Variants in TSHR observed in about 807,000 individuals in gnomAD.
The protein encoded by TSHR is thyrotropin receptor.
TSHR carries 51 observed loss-of-function variants against 64.1 expected under a neutral mutation model. The observed-to-expected ratio is 0.80, with a 90% CI of 0.64 to 1.01. TSHR has a LOEUF of 1.01. Among genes scored for constraint, TSHR ranks in the 50% least tolerant of loss-of-function variants. TSHR has a pLI of 0.00. For synonymous variants in TSHR, 361 were observed against 361.9 expected (o/e 1.00, Z 0.03); for missense variants, 877 against 942.8 (o/e 0.93, Z 0.91).
intron 8 of TSHR, among the ~76,000 whole-genome samples, chr14:81,113,662 A>G (rs28491084): frequency 0.069 from 10,492 of 152,236 alleles, 917 homozygotes; most frequent in East Asian, 0.23. Flanking sequence ...AAAGAGTAGG[A>G]AAGGTGATCA....
At position 80,982,684 on chromosome 14, in the gene TSHR, C is replaced by T. The variant is rs1202089882; in HGVS notation, c.170+26834C>T. On this transcript the variant is annotated intron_variant, in intron 1 of 9. Coordinates refer to ENST00000298171, the MANE Select transcript of TSHR (RefSeq NM_000369.5). ...CCCCTGCTGTAACTCCAGCAGTATT[C>T]GGATTAGATCCCAGGCATCTAAGGC... 28 of 1,009,938 alleles carry T rather than the reference C, an allele frequency of 2.8e-5. 1 individual carries two copies. The highest frequency in any genetic ancestry group is 3.4e-5 in the Non-Finnish European group (25 of 729,276). 62.6% of individuals were successfully genotyped at this position (1,009,938 alleles called of 1,614,324 possible).
chr14:81,114,400 G>T (rs891639431), intron 8 of TSHR, among the ~76,000 whole-genome samples: 3 of 152,234 alleles, frequency 2.0e-5, no homozygotes, highest in African/African-American at 7.2e-5. Context: ...CCCTTTCCTA[G>T]TCAAAGAAAG....
chr14:81,047,042 G>A (rs1359338427), intron 1 of TSHR, among the ~76,000 whole-genome samples: 3 of 152,036 alleles, frequency 2.0e-5, no homozygotes, highest in Admixed American at 1.3e-4. Flanking sequence ...CACCAGACCT[G>A]TACTAAAAAC....
At chr14:81,076,686 A>G (rs1887528618) in intron 3 of TSHR, among the ~76,000 whole-genome samples, 1 of 152,122 alleles carries the variant, frequency 6.6e-6, no homozygotes, top group Admixed American at 6.6e-5. Flanking sequence ...CTACCCTAAT[A>G]TACAGAAAAT....
At chr14:81,108,200 A>G (rs914289100) in intron 7 of TSHR, 175 bp from the exon 8 acceptor site, 6 of 610,836 alleles carry the variant, frequency 9.8e-6, no homozygotes, top group East Asian at 2.8e-5. Context: ...ACTTTATACA[A>G]TTGAAACCTA....
chr14:80,978,124 CACACACAT>C (rs778315545), intron 1 of TSHR, among the ~76,000 whole-genome samples: 1 of 138,680 alleles, frequency 7.2e-6, no homozygotes, highest in Non-Finnish European at 1.6e-5. Flanking sequence ...CACACACACA[CACACACAT>C]GCATGTGCAC....
intron 6 of TSHR, among the ~76,000 whole-genome samples, chr14:81,092,852 G>A (rs1387420233): frequency 1.3e-4 from 20 of 152,188 alleles, no homozygotes; most frequent in Non-Finnish European, 1.5e-5. Context: ...TTCACGTGAA[G>A]AACCAGTTAG....
intron 1 of TSHR, among the ~76,000 whole-genome samples, chr14:80,965,848 T>C (rs1055010367): frequency 3.3e-5 from 5 of 152,254 alleles, no homozygotes; most frequent in African/African-American, 7.2e-5. Flanking sequence ...CTTATAAATA[T>C]TGTTCTCTTA....
At chr14:81,135,422 C>T (rs1891414563) in intron 8 of TSHR, among the ~76,000 whole-genome samples, 1 of 152,152 alleles carries the variant, frequency 6.6e-6, no homozygotes, top group African/African-American at 2.4e-5. Flanking sequence ...ACATTCTTTC[C>T]TAAGTTCCTA....
chr14:81,108,817 A>G, intron 8 of TSHR: 1 of 1,538,136 alleles, frequency 6.5e-7, no homozygotes, highest in South Asian at 1.2e-5. Context: ...AAAAAAATGT[A>G]CCTGAATGTA....
chr14:80,955,942 C>G (rs80180059), intron 1 of TSHR, 92 bp downstream of exon 1: 92,580 of 1,482,724 alleles, frequency 0.062, 4,211 homozygotes, highest in South Asian at 0.2. Flanking sequence ...CAATAACAGC[C>G]CGAAGTAGTG....
intron 1 of TSHR, among the ~76,000 whole-genome samples, chr14:80,973,333 G>A (rs994863717): frequency 3.4e-5 from 5 of 146,348 alleles, no homozygotes; most frequent in African/African-American, 1.0e-4. Context: ...TGAACCCCGG[G>A]GGGCGGAGCC....
intron 8 of TSHR, among the ~76,000 whole-genome samples, chr14:81,115,223 A>G (rs539094276): frequency 4.1e-4 from 63 of 152,188 alleles, no homozygotes; most frequent in African/African-American, 1.5e-3. Context: ...CAGACGATCA[A>G]ATTACTCTGA....
At chr14:81,000,786 T>C (rs963107965) in intron 1 of TSHR, among the ~76,000 whole-genome samples, 4 of 151,306 alleles carry the variant, frequency 2.6e-5, no homozygotes, top group Non-Finnish European at 5.9e-5. Flanking sequence ...GTTTTTCCCT[T>C]GCTGGGTAGC....
In TSHR at chr14:81,103,488, G is replaced by A; in HGVS notation, c.615-4887G>A. On this transcript the variant is annotated intron_variant, in intron 7 of 9. Transcript: ENST00000298171. The surrounding 1 kb of genome is among the most constrained non-coding windows in gnomAD (Gnocchi z 4.1). ...TACACTCATTTTTTAAAATGTAACT[G>A]AATAATACAATTACAGCCAAGCTGG... is the stretch of plus-strand genomic sequence containing the variant. 2 of 985,432 alleles carry A rather than the reference G, an allele frequency of 2.0e-6. No individual in the cohort carries two copies. Among genetic ancestry groups the A allele is most frequent in the Non-Finnish European group, 1.2e-6 (1 of 829,930 alleles). 61.0% of individuals were successfully genotyped at this position (985,432 alleles called of 1,614,324 possible). A position where few individuals can be genotyped will look rare whatever the true frequency, so the allele number is the denominator to read the frequency against.
intron 2 of TSHR, among the ~76,000 whole-genome samples, chr14:81,067,273 T>C (rs7158206): frequency 0.028 from 4,182 of 151,970 alleles, 193 homozygotes; most frequent in African/African-American, 0.096. Context: ...CTCATGTTTT[T>C]TTGCTATTTT....
At chr14:80,974,629 T>C (rs1887772267) in intron 1 of TSHR, among the ~76,000 whole-genome samples, 1 of 152,212 alleles carries the variant, frequency 6.6e-6, no homozygotes, top group African/African-American at 2.4e-5. Flanking sequence ...CTTTTAAGGC[T>C]CTGTCTGATT....
At position 81,144,445 on chromosome 14, in the gene TSHR, A is replaced by G; in HGVS notation, c.*92A>G. ...CAATCCCATGACACCCCCAACACAT[A>G]GCTGCCCTCACTCTTGTGCAGGCGA... On this transcript the variant is annotated 3_prime_UTR_variant, in exon 10 of 10. Transcript: ENST00000298171. 1 of 1,278,514 alleles carries G rather than the reference A, an allele frequency of 7.8e-7. No individual in the cohort carries two copies. Among genetic ancestry groups the G allele is most frequent in the South Asian group, 1.2e-5 (1 of 81,672 alleles). The allele number at this position is 1,278,514 out of a possible 1,614,324, so 79.2% of individuals were successfully genotyped here.
At position 81,007,450 on chromosome 14, in the gene TSHR, T is replaced by C. The variant is rs73349946; in HGVS notation, c.170+51600T>C. On this transcript the variant is annotated intron_variant, in intron 1 of 9. Coordinates refer to ENST00000298171, the MANE Select transcript of TSHR (RefSeq NM_000369.5). The stretch of plus-strand genomic sequence containing the variant: ...AGATATTTTGTAGAATGTCCCTCAA[T>C]TGGGATTTGTCTCTTTTTTTCTCAT... Among the ~76,000 whole-genome samples the C allele has an allele frequency of 6.4e-3, 979 of 152,306 alleles. 9 individuals carry two copies. The highest frequency in any genetic ancestry group is 0.022 in the African/African-American group (915 of 41,556).
Sources: gnomAD v4.1 joint callset for allele counts (sites outside exome capture counted in the v4.1 genomes callset) on GRCh38, gnomAD v4.1.1 for gene constraint, Gnocchi (gnomAD v3.1) non-coding constraint, MANE v1.5 for transcripts, NCBI Gene and HGNC (gene_info 2026-07-23, HGNC 2026-07-21) for gene names.